ABCC9: variants seen among roughly 807,000 people sequenced by gnomAD.
ABCC9 encodes ATP-binding cassette sub-family C member 9.
ABCC9 carries 95 observed loss-of-function variants against 188.3 expected under a neutral mutation model. The observed-to-expected ratio is 0.50, with a 90% CI of 0.43 to 0.60. The LOEUF (loss-of-function observed/expected upper bound fraction) is 0.60, where lower values mean the gene tolerates loss of function less well. ABCC9 is among the 20% of genes least tolerant of loss of function. The probability of loss-of-function intolerance (pLI) is 0.00; values close to 1 mark genes in which losing one functional copy is unlikely to be tolerated. For missense variants in ABCC9, 1,102 were observed against 1,876.3 expected, an observed-to-expected ratio of 0.59 and a Z score of 7.62; for synonymous variants, 659 against 652.7, an observed-to-expected ratio of 1.01 and a Z score of -0.15.
chr12:21,814,051 A>G (rs1236636722), intron 35 of ABCC9, among the ~76,000 whole-genome samples: 5 of 152,108 alleles, frequency 3.3e-5, no homozygotes, highest in Non-Finnish European at 5.9e-5. Flanking sequence ...TTAAAAAAAG[A>G]TTAAGTTATT....
At chr12:21,929,274 CAA>C (rs1949179272) in intron 4 of ABCC9, among the ~76,000 whole-genome samples, 2 of 151,778 alleles carry the variant, frequency 1.3e-5, no homozygotes, top group Admixed American at 1.3e-4. Context: ...TAATAAACCA[CAA>C]AGAGTAATCA....
At position 21,805,251 on chromosome 12, in the gene ABCC9, C is replaced by T. The variant is rs1565679584; in HGVS notation, c.4512+747G>A. 5 of 1,614,012 alleles carry T rather than the reference C, an allele frequency of 3.1e-6. No homozygotes were observed. Among genetic ancestry groups the T allele is most frequent in the East Asian group, 2.2e-5 (1 of 44,874 alleles). ...AAATTTGGGACAGTATCACACTCCA[C>T]TAAAATACCCTCAGAAAAGACTAAA... On this transcript the variant is annotated intron_variant, in intron 39 of 39. Transcript: ENST00000261200.
chr12:21,926,102 T>C, intron 4 of ABCC9, 39 bp from the exon 5 acceptor site: 3 of 1,613,580 alleles, frequency 1.9e-6, no homozygotes, highest in Admixed American at 1.7e-5. Flanking sequence ...AGCTGATGGT[T>C]CCAGATAATT....
intron 35 of ABCC9, among the ~76,000 whole-genome samples, chr12:21,814,381 G>A (rs1368321657): frequency 5.3e-5 from 8 of 152,018 alleles, no homozygotes; most frequent in Admixed American, 5.2e-4. Context: ...AAAGTGGGTG[G>A]CCTTGTTTTC....
At chr12:21,839,042 G>T (rs555441214) in intron 29 of ABCC9, among the ~76,000 whole-genome samples, 3 of 152,274 alleles carry the variant, frequency 2.0e-5, no homozygotes, top group Non-Finnish European at 4.4e-5. Context: ...AAAACAGAAA[G>T]AAGGTAATCA....
rs10611051 is a variant in ABCC9 at position 21,816,036 on chromosome 12, G to GTTTTT, written c.3893-148_3893-144dup. 27 of 58,260 alleles carry GTTTTT rather than the reference G, an allele frequency of 4.6e-4. 2 individuals are homozygous for GTTTTT. Among genetic ancestry groups the GTTTTT allele is most frequent in the East Asian group, 1.5e-3 (2 of 1,362 alleles). The allele number at this position is 58,260 out of a possible 1,614,324, so 3.6% of individuals were successfully genotyped here. On this transcript the variant is annotated intron_variant, in intron 33 of 39. Coordinates refer to ENST00000261200, the MANE Select transcript of ABCC9 (RefSeq NM_020297.4). ...TAATACTGAACCAAACTATGTGGCAGTTTTTTTTTTTTTTTTTTTTTTTTT... is the reference window on the plus strand; with the variant it reads ...TAATACTGAACCAAACTATGTGGCAGTTTTTTTTTTTTTTTTTTTTTTTTTTTTTT...
chr12:21,892,949 A>G (rs762417711), intron 14 of ABCC9, among the ~76,000 whole-genome samples: 6 of 152,088 alleles, frequency 3.9e-5, no homozygotes, highest in Non-Finnish European at 8.8e-5. Flanking sequence ...CAATTTTCCA[A>G]TTTTTCTTCA....
chr12:21,889,743 T>C (rs74067843), intron 14 of ABCC9, among the ~76,000 whole-genome samples: 3,038 of 152,294 alleles, frequency 0.02, 44 homozygotes, highest in Middle Eastern at 0.058. Context: ...CCACTCTTCC[T>C]GAGCATTGGA....
intron 33 of ABCC9, among the ~76,000 whole-genome samples, chr12:21,816,943 C>A (rs1262040473): frequency 6.6e-6 from 1 of 152,030 alleles, no homozygotes; most frequent in Non-Finnish European, 1.5e-5. Context: ...TAATAAATCC[C>A]AAATATTTTC....
rs1441642627 is a variant in ABCC9 at position 21,823,820 on chromosome 12, C to T, written c.3669+5138G>A. On this transcript the variant is annotated intron_variant, in intron 31 of 39. Transcript: ENST00000261200. Reference sequence around the variant, plus strand: ...AGTGACACATTGCACTCAACCGCGGCCGGCTTCACTTGGCACCCAGAGGAA... The same window carrying T: ...AGTGACACATTGCACTCAACCGCGGTCGGCTTCACTTGGCACCCAGAGGAA... Among the ~76,000 whole-genome samples the T allele has an allele frequency of 2.0e-5, 3 of 152,234 alleles. No homozygotes were observed. The East Asian group carries it at 5.8e-4, about 29-fold the overall frequency.
intron 30 of ABCC9, 131 bp from the exon 31 acceptor site, chr12:21,829,191 CTTTTTTTTTTTTTTT>C (rs11430045): frequency 5.2e-5 from 12 of 230,690 alleles, no homozygotes; most frequent in Non-Finnish European, 7.1e-5. Flanking sequence ...AAATAGATTT[CTTTTTTTTTTTTTTT>C]TTTTTTTTTT....
chr12:21,923,320 A>C (rs1020548692), intron 5 of ABCC9: 2 of 151,304 alleles, frequency 1.3e-5, no homozygotes, highest in African/African-American at 4.9e-5. Flanking sequence ...TCTTCTGCTC[A>C]TTAAAAGACC....
chr12:21,925,934 A>G lies in ABCC9; in HGVS notation c.406+8T>C. The stretch of plus-strand genomic sequence containing the variant: ...TTAAGGAGAAACAACAAAAGTGATC[A>G]TACTTACCTAAAAGTAATTTAGGAA... On this transcript the variant is annotated splice_region_variant and intron_variant, in intron 5 of 39. Coordinates refer to ENST00000261200, the MANE Select transcript of ABCC9 (RefSeq NM_020297.4). The G allele has an allele frequency of 6.2e-7, 1 of 1,608,620 alleles. No homozygotes were observed. The highest frequency in any genetic ancestry group is 8.5e-7 in the Non-Finnish European group (1 of 1,175,038).
At position 21,831,931 on chromosome 12, in the gene ABCC9, C is replaced by T. The variant is rs550284275; in HGVS notation, c.3567-2871G>A. Among the ~76,000 whole-genome samples, 3 of 152,224 alleles carry T rather than the reference C, an allele frequency of 2.0e-5. 1 individual carries two copies. The highest frequency in any genetic ancestry group is 4.8e-5 in the African/African-American group (2 of 41,530). ...TTTATCTGGAACACTTTTGACTCTT[C>T]CTCTAGTTTTGGGATATTGTTTCAG... On this transcript the variant is annotated intron_variant, in intron 30 of 39. Transcript: ENST00000261200.
intron 8 of ABCC9, among the ~76,000 whole-genome samples, chr12:21,912,491 A>G (rs1284577975): frequency 6.6e-6 from 1 of 152,018 alleles, no homozygotes; most frequent in East Asian, 1.9e-4. Flanking sequence ...TGCTAGTATT[A>G]TTGGTCACAG....
chr12:21,889,797 C>G lies in ABCC9; in HGVS notation c.1803-1863G>C, dbSNP rs183367477. 2.8e-4 allele frequency among the ~76,000 whole-genome samples: 42 copies of G among 152,258 alleles called. 1 individual carries two copies. The South Asian group carries it at 8.1e-3, about 29-fold the overall frequency. On this transcript the variant is annotated intron_variant, in intron 14 of 39. Coordinates refer to ENST00000261200, the MANE Select transcript of ABCC9 (RefSeq NM_020297.4). ...TGATTGAGAATGGGGACGACATTCTCTCTTCTTAACACCCCACTTTGAAAC... is the reference window on the plus strand; with the variant it reads ...TGATTGAGAATGGGGACGACATTCTGTCTTCTTAACACCCCACTTTGAAAC...
chr12:21,805,862 C>CT (rs1941801000), intron 39 of ABCC9, 136 bp downstream of exon 39: 2 of 875,058 alleles, frequency 2.3e-6, no homozygotes, highest in Admixed American at 2.4e-5. Flanking sequence ...TATTTTTTTT[C>CT]TTTTTTGCAC....
At chr12:21,812,189 T>A in intron 35 of ABCC9, 32 bp from the exon 36 acceptor site, 1 of 1,352,836 alleles carries the variant, frequency 7.4e-7, no homozygotes, top group South Asian at 1.2e-5. Context: ...TACACACACA[T>A]AGTAAAATCA....
At chr12:21,848,545 C>G (rs1000801953) in intron 24 of ABCC9, among the ~76,000 whole-genome samples, 1 of 152,184 alleles carries the variant, frequency 6.6e-6, no homozygotes. Context: ...AAGCATATTT[C>G]TACCATTGCT....
Sources: gnomAD v4.1 joint callset for allele counts (sites outside exome capture counted in the v4.1 genomes callset) on GRCh38, gnomAD v4.1.1 for gene constraint, MANE v1.5 for transcripts, NCBI Gene and HGNC (gene_info 2026-07-23, HGNC 2026-07-21) for gene names.